Variants in MBOAT1 observed in about 807,000 individuals in gnomAD.
MBOAT1 encodes membrane-bound glycerophospholipid O-acyltransferase 1.
A neutral mutation model predicts 64.4 loss-of-function variants in MBOAT1; 67 were observed. The observed-to-expected ratio is 1.04, with a 90% confidence interval of 0.85 to 1.27. The LOEUF is 1.27. Ranked by LOEUF, MBOAT1 falls within the 50% of genes most tolerant of loss-of-function variation. MBOAT1 has a pLI of 0.00. For missense variants in MBOAT1, 563 were observed against 604.6 expected (o/e 0.93, Z 0.72); for synonymous variants, 229 against 218.9 (o/e 1.05, Z -0.41).
At chr6:20,197,176 T>C (rs1403090868) in intron 1 of MBOAT1, among the ~76,000 whole-genome samples, 2 of 151,982 alleles carry the variant, frequency 1.3e-5, no homozygotes, top group Admixed American at 1.3e-4. Context: ...GGTCTCAAAC[T>C]CCTGAGCTCA....
In MBOAT1 at chr6:20,139,546, CTTTTTTTTTTTT is replaced by C. The variant is rs70990010; in HGVS notation, c.419+4662_419+4673del. On this transcript the variant is annotated intron_variant, in intron 4 of 12. Coordinates refer to ENST00000324607, the MANE Select transcript of MBOAT1 (RefSeq NM_001080480.3). ...CACAAAAATACACTCACATTTTAAC[CTTTTTTTTTTTT>C]TTTTTTTTTTTTTTGAGACAGGGTC... 4.0e-4 allele frequency among the ~76,000 whole-genome samples: 28 copies of C among 69,218 alleles called. No homozygotes were observed. The South Asian group carries it at 0.018, about 46-fold the overall frequency. 45.4% of individuals were successfully genotyped at this position (69,218 alleles called of 152,430 possible).
chr6:20,182,122 T>C, intron 1 of MBOAT1, among the ~76,000 whole-genome samples: 1 of 152,234 alleles, frequency 6.6e-6, no homozygotes, highest in East Asian at 1.9e-4. Flanking sequence ...TGGAAAGTAT[T>C]TGACATTGTC....
intron 1 of MBOAT1, among the ~76,000 whole-genome samples, chr6:20,180,266 C>T (rs561265384): frequency 6.6e-6 from 1 of 152,276 alleles, no homozygotes; most frequent in Admixed American, 6.5e-5. Context: ...TAGACCTTCG[C>T]TTTGCCCAGA....
At chr6:20,164,400 G>A (rs1339558803) in intron 1 of MBOAT1, among the ~76,000 whole-genome samples, 6 of 152,086 alleles carry the variant, frequency 3.9e-5, no homozygotes, top group Non-Finnish European at 7.4e-5. Flanking sequence ...TAAATGGAAC[G>A]TGAAAGTACT....
chr6:20,156,039 C>T (rs62397913), intron 1 of MBOAT1, among the ~76,000 whole-genome samples: 32,420 of 151,822 alleles, frequency 0.21, 4,224 homozygotes, highest in East Asian at 0.43. Context: ...GAGGCCGAGG[C>T]GGGCAGATCA....
chr6:20,119,785 A>AT (rs1760438422), intron 8 of MBOAT1, among the ~76,000 whole-genome samples: 1 of 152,174 alleles, frequency 6.6e-6, no homozygotes, highest in South Asian at 2.1e-4. Context: ...AATGGTTTTA[A>AT]TTGTGTGGGA....
At chr6:20,136,747 C>T (rs1299972305) in intron 4 of MBOAT1, among the ~76,000 whole-genome samples, 1 of 152,222 alleles carries the variant, frequency 6.6e-6, no homozygotes, top group Non-Finnish European at 1.5e-5. Context: ...AACCTTTTAA[C>T]ACGCATGCAA....
Position 20,111,859 on chromosome 6 carries a change from C to CAT in MBOAT1, c.1209+1015_1209+1016dup, listed in dbSNP as rs1322920189. On this transcript the variant is annotated intron_variant, in intron 11 of 12. Transcript: ENST00000324607. ...ACACATATATATACATATATATATA[C>CAT]ATATATATACATATATATATGTATA... Among the ~76,000 whole-genome samples the CAT allele has an allele frequency of 2.6e-3, 286 of 108,464 alleles. 1 individual carries two copies. The highest frequency in any genetic ancestry group is 5.8e-3 in the East Asian group (22 of 3,796). 71.2% of individuals were successfully genotyped at this position (108,464 alleles called of 152,430 possible). A position where few individuals can be genotyped will look rare whatever the true frequency, so the allele number is the denominator to read the frequency against.
At position 20,126,538 on chromosome 6, in the gene MBOAT1, G is replaced by T; in HGVS notation, c.693C>A (p.Ser231Arg). ...EVNWKRKGFH[S>R]LPEPSPTGAV... Reference sequence around the variant, plus strand: ...TTACTGTGGGAGAAGGTTCTGGCAAGCTGTGGAAACCTTTTCGCTTCCAGT... The same window carrying T: ...TTACTGTGGGAGAAGGTTCTGGCAATCTGTGGAAACCTTTTCGCTTCCAGT... The change falls in exon 7 of 13, where the codon AGC (serine) becomes AGA (arginine). Residue 231 changes from serine to arginine, a missense_variant. Ser to Arg is a moderately radical substitution (Grantham distance 110). Transcript: ENST00000324607. The T allele has an allele frequency of 6.8e-6, 11 of 1,610,256 alleles. No individual in the cohort carries two copies. Among genetic ancestry groups the T allele is most frequent in the Non-Finnish European group, 9.3e-6 (11 of 1,179,132 alleles).
intron 1 of MBOAT1, among the ~76,000 whole-genome samples, chr6:20,175,732 A>G (rs1581445495): frequency 6.6e-6 from 1 of 150,656 alleles, no homozygotes; most frequent in Middle Eastern, 3.2e-3. Context: ...TCGGCCTCCC[A>G]AAGTGCTAGG....
intron 4 of MBOAT1, among the ~76,000 whole-genome samples, chr6:20,139,716 G>A (rs908830174): frequency 6.6e-6 from 1 of 151,528 alleles, no homozygotes; most frequent in Non-Finnish European, 1.5e-5. Flanking sequence ...ACCACACCCA[G>A]CTGAGTTTTA....
chr6:20,123,813 T>C (rs139084121), intron 8 of MBOAT1, among the ~76,000 whole-genome samples: 15 of 152,230 alleles, frequency 9.9e-5, no homozygotes, highest in African/African-American at 3.4e-4. Context: ...TCCCAGCACT[T>C]TGGGAGGCCA....
Position 20,131,165 on chromosome 6 carries a change from A to G in MBOAT1, c.454T>C (p.Leu152=). The G allele has an allele frequency of 6.2e-7, 1 of 1,614,010 alleles. No homozygotes were observed. The highest frequency in any genetic ancestry group is 2.2e-5 in the East Asian group (1 of 44,884). ...LMIVTQKITT[L]AFQVHDGLGR... Reference sequence around the variant, plus strand: ...TTACCATCATGAACCTGGAATGCCAAGGTTGTGATCTTCTGAGTGACAATC... The same window carrying G: ...TTACCATCATGAACCTGGAATGCCAGGGTTGTGATCTTCTGAGTGACAATC... Residue 152 remains leucine (L), a synonymous_variant, in exon 5 of 13, where the codon TTG becomes CTG. Transcript: ENST00000324607.
chr6:20,164,334 T>G (rs923774079), intron 1 of MBOAT1, among the ~76,000 whole-genome samples: 1 of 151,924 alleles, frequency 6.6e-6, no homozygotes, highest in African/African-American at 2.4e-5. Context: ...ACTTACAAGG[T>G]TAAGTGGGTA....
chr6:20,122,277 G>A (rs1475873830), intron 8 of MBOAT1, among the ~76,000 whole-genome samples: 2 of 152,170 alleles, frequency 1.3e-5, no homozygotes, highest in African/African-American at 4.8e-5. Context: ...ATTTGTAACT[G>A]CAGAACAAGA....
intron 1 of MBOAT1, among the ~76,000 whole-genome samples, chr6:20,194,606 A>G (rs988448432): frequency 6.6e-6 from 1 of 152,200 alleles, no homozygotes; most frequent in Admixed American, 6.5e-5. Context: ...CACACTATCC[A>G]CAGAGCTACC....
chr6:20,109,902 C>CTTTTTTT lies in MBOAT1; in HGVS notation c.1210-160_1210-154dup, dbSNP rs1158455991. Among the ~76,000 whole-genome samples, 16 of 94,138 alleles carry CTTTTTTT rather than the reference C, an allele frequency of 1.7e-4. 1 individual carries two copies. Among genetic ancestry groups the CTTTTTTT allele is most frequent in the East Asian group, 3.3e-4 (1 of 3,066 alleles). The allele number at this position is 94,138 out of a possible 152,430, so 61.8% of individuals were successfully genotyped here. ...TTTTCGACTACAAATACCATCAGGA[C>CTTTTTTT]TTTTTTTTTTTTTTTTTTTTTTTTT... On this transcript the variant is annotated intron_variant, in intron 11 of 12. Coordinates refer to ENST00000324607, the MANE Select transcript of MBOAT1 (RefSeq NM_001080480.3).
intron 4 of MBOAT1, among the ~76,000 whole-genome samples, chr6:20,131,438 C>G (rs888112624): frequency 1.3e-5 from 2 of 152,232 alleles, no homozygotes; most frequent in Non-Finnish European, 2.9e-5. Context: ...TCTCCCTTCA[C>G]TCTGCAGTTC....
chr6:20,165,101 T>C (rs1761977664), intron 1 of MBOAT1, among the ~76,000 whole-genome samples: 1 of 152,176 alleles, frequency 6.6e-6, no homozygotes, highest in South Asian at 2.1e-4. Flanking sequence ...AACTCCATCG[T>C]CAGTTGAGGA....
Sources: allele counts gnomAD v4.1 joint callset (sites outside exome capture counted in the v4.1 genomes callset), GRCh38; gene constraint gnomAD v4.1.1; transcripts MANE v1.5; gene names NCBI Gene and HGNC (gene_info 2026-07-23, HGNC 2026-07-21).